DNAH12: variants seen among roughly 807,000 people sequenced by gnomAD.
The protein encoded by DNAH12 is axonemal beta dynein heavy chain 12.
Under a neutral mutation model 371.5 loss-of-function variants are expected in DNAH12, and 285 were observed. The observed-to-expected ratio is 0.77, with a 90% CI of 0.70 to 0.85. DNAH12 has a LOEUF of 0.85. Among genes scored for constraint, DNAH12 ranks in the 40% least tolerant of loss-of-function variants. DNAH12 has a pLI of 0.00. For synonymous variants in DNAH12, 1,200 were observed against 1,213.0 expected (o/e 0.99, Z 0.22); for missense variants, 3,611 against 3,689.4 (o/e 0.98, Z 0.55).
At chr3:57,449,176 C>T (rs1414363180) in intron 25 of DNAH12, among the ~76,000 whole-genome samples, 7 of 151,060 alleles carry the variant, frequency 4.6e-5, no homozygotes, top group Non-Finnish European at 8.9e-5. Context: ...GGTGCACTCA[C>T]AAACCTTGAG....
At chr3:57,496,755 G>A (rs1233526122) in intron 11 of DNAH12, among the ~76,000 whole-genome samples, 1 of 152,144 alleles carries the variant, frequency 6.6e-6, no homozygotes, top group African/African-American at 2.4e-5. Flanking sequence ...GATCACCTGA[G>A]GTCAGGAGTT....
intron 43 of DNAH12, among the ~76,000 whole-genome samples, chr3:57,402,891 A>G (rs1208537120): frequency 6.6e-6 from 1 of 152,224 alleles, no homozygotes; most frequent in Non-Finnish European, 1.5e-5. Context: ...CTCCATAGTT[A>G]TTCATTTTAT....
chr3:57,357,783 T>G (rs1260822334), intron 58 of DNAH12, among the ~76,000 whole-genome samples: 2 of 152,210 alleles, frequency 1.3e-5, no homozygotes, highest in African/African-American at 2.4e-5. Flanking sequence ...GGAGAGCAAG[T>G]GTACATGTGC....
Position 57,446,072 on chromosome 3 carries a change from G to A in DNAH12, c.4138C>T (p.Pro1380Ser), listed in dbSNP as rs2065484856. 1 of 1,551,518 alleles carries A rather than the reference G, an allele frequency of 6.4e-7. No homozygotes were observed. The highest frequency in any genetic ancestry group is 2.0e-5 in the Admixed American group (1 of 50,974). Residue 1380 changes from proline to serine, a missense_variant, in exon 27 of 74, where the codon CCT becomes TCT. By Grantham distance (74) the Pro-to-Ser change is moderately conservative. This residue lies in a region of DNAH12 where 2,266 missense variants were observed against 2,236.9 expected (regional missense o/e 1.01). Transcript: ENST00000495027. The part of the protein sequence containing the change: ...PNCFVAITMN[P>S]GYAGRSELPD... ...AATTCAGAGCGTCCTGCATAGCCAG[G>A]ATTCATGGTAATAGCTACAAAACAA...
chr3:57,427,547 G>A (rs1363961649), intron 34 of DNAH12, among the ~76,000 whole-genome samples: 5 of 152,032 alleles, frequency 3.3e-5, no homozygotes, highest in Non-Finnish European at 7.4e-5. Flanking sequence ...AAAATTAGCT[G>A]GGTGTGGTGG....
At chr3:57,415,055 G>A (rs1559632985) in intron 38 of DNAH12, among the ~76,000 whole-genome samples, 1 of 152,046 alleles carries the variant, frequency 6.6e-6, no homozygotes, top group African/African-American at 2.4e-5. Context: ...CATCCAGGAG[G>A]GTCTTGAGAG....
intron 2 of DNAH12, among the ~76,000 whole-genome samples, chr3:57,538,781 C>T (rs1402473639): frequency 6.6e-6 from 1 of 152,298 alleles, no homozygotes; most frequent in East Asian, 1.9e-4. Flanking sequence ...CAACAATTCC[C>T]TATAGCTTTA....
At chr3:57,353,956 C>T (rs1228250500) in intron 59 of DNAH12, among the ~76,000 whole-genome samples, 1 of 152,148 alleles carries the variant, frequency 6.6e-6, no homozygotes, top group Non-Finnish European at 1.5e-5. Flanking sequence ...CCGTGGAAAG[C>T]AGTTTGGAGA....
chr3:57,337,305 C>T (rs1225143132), intron 60 of DNAH12, among the ~76,000 whole-genome samples: 1 of 150,758 alleles, frequency 6.6e-6, no homozygotes, highest in Non-Finnish European at 1.5e-5. Flanking sequence ...CCCAGGAGCT[C>T]CAGACCGGCC....
At chr3:57,358,225 C>G (rs1019321978) in intron 58 of DNAH12, among the ~76,000 whole-genome samples, 1 of 152,062 alleles carries the variant, frequency 6.6e-6, no homozygotes, top group Non-Finnish European at 1.5e-5. Flanking sequence ...TTAAAAGCCT[C>G]GGAAACTGAA....
intron 4 of DNAH12, among the ~76,000 whole-genome samples, 153 bp downstream of exon 4, chr3:57,523,430 A>G (rs1424585945): frequency 5.3e-5 from 8 of 152,166 alleles, no homozygotes; most frequent in Non-Finnish European, 1.2e-4. Flanking sequence ...TGTTCATGAC[A>G]TGTTTGCTCC....
At position 57,405,969 on chromosome 3, in the gene DNAH12, C is replaced by A. The variant is rs1317077423; in HGVS notation, c.6277-17G>T. 2 of 1,524,872 alleles carry A rather than the reference C, an allele frequency of 1.3e-6. No homozygotes were observed. Among genetic ancestry groups the A allele is most frequent in the Admixed American group, 4.2e-5 (2 of 47,650 alleles). 94.5% of individuals were successfully genotyped at this position (1,524,872 alleles called of 1,614,324 possible). A position where few individuals can be genotyped will look rare whatever the true frequency, so the allele number is the denominator to read the frequency against. ...TTTATATATCTGAATATGAAAAAAG[C>A]AACAAAGCAAAAATAAAATGCTTAT... On this transcript the variant is annotated splice_polypyrimidine_tract_variant and intron_variant, in intron 40 of 73. Coordinates refer to ENST00000495027, the MANE Select transcript of DNAH12 (RefSeq NM_001366028.2).
At chr3:57,433,861 A>T in intron 30 of DNAH12, 33 bp from the exon 31 acceptor site, 1 of 1,446,446 alleles carries the variant, frequency 6.9e-7, no homozygotes, top group Non-Finnish European at 9.1e-7. Flanking sequence ...ATACAATAAG[A>T]GTCTTTAAAG....
intron 12 of DNAH12, among the ~76,000 whole-genome samples, chr3:57,485,017 TA>T (rs1328149591): frequency 2.0e-5 from 3 of 152,064 alleles, no homozygotes; most frequent in Non-Finnish European, 4.4e-5. Flanking sequence ...GGCCATAATT[TA>T]AAAGTCAAAA....
chr3:57,410,260 G>T (rs1472136231), intron 39 of DNAH12, among the ~76,000 whole-genome samples: 1 of 151,588 alleles, frequency 6.6e-6, no homozygotes, highest in Non-Finnish European at 1.5e-5. Context: ...GCTTACTTCT[G>T]GTCTCTGTGT....
chr3:57,445,130 A>G, intron 28 of DNAH12, 44 bp downstream of exon 28: 2 of 1,477,480 alleles, frequency 1.4e-6, no homozygotes, highest in South Asian at 2.8e-5. Context: ...AAAGAAAATT[A>G]TCTTTCTACT....
At chr3:57,294,659 C>T (rs1039164311) in intron 73 of DNAH12, among the ~76,000 whole-genome samples, 3 of 152,190 alleles carry the variant, frequency 2.0e-5, no homozygotes, top group African/African-American at 7.2e-5. Flanking sequence ...AGAAATACAA[C>T]TGCTTAGAGC....
intron 57 of DNAH12, among the ~76,000 whole-genome samples, chr3:57,364,635 T>G (rs999787128): frequency 1.3e-5 from 2 of 152,134 alleles, no homozygotes; most frequent in African/African-American, 4.8e-5. Context: ...CTAATTAAAC[T>G]AAGGAGCTTC....
intron 38 of DNAH12, 54 bp from the exon 39 acceptor site, chr3:57,413,966 T>A (rs1254504972): frequency 1.3e-6 from 2 of 1,499,182 alleles, no homozygotes; most frequent in Admixed American, 2.2e-5. Flanking sequence ...TAGGGATTTA[T>A]CATACTTATA....
Sources: gnomAD v4.1 joint callset for allele counts (sites outside exome capture counted in the v4.1 genomes callset) on GRCh38, gnomAD v4.1.1 for gene constraint, gnomAD v4.1.1 regional missense constraint, MANE v1.5 for transcripts, NCBI Gene and HGNC (gene_info 2026-07-23, HGNC 2026-07-21) for gene names.